The following LARGE1 variants were observed in gnomAD, a reference collection of about 807,000 sequenced individuals.
LARGE1 encodes the protein xylosyl- and glucuronyltransferase LARGE1.
In LARGE1, 43 loss-of-function variants were observed where a neutral mutation model predicts 87.6. The observed-to-expected ratio is 0.49, with a 90% CI of 0.38 to 0.63. The LOEUF is 0.63. Ranked by LOEUF, LARGE1 falls within the 30% of genes least tolerant of loss-of-function variation. The pLI, the probability that LARGE1 is intolerant of heterozygous loss-of-function variation, is 0.00. For synonymous variants in LARGE1, 434 were observed against 394.6 expected (o/e 1.10, Z -1.18); for missense variants, 802 against 1,000.2 (o/e 0.80, Z 2.67).
At chr22:33,315,857 T>C (rs1433381940) in intron 11 of LARGE1, among the ~76,000 whole-genome samples, 5 of 152,160 alleles carry the variant, frequency 3.3e-5, no homozygotes, top group Admixed American at 6.5e-5. Context: ...CTAGAACTCC[T>C]GACCTTGTGA....
At chr22:33,140,477 A>C in the LARGE1 span, among the ~76,000 whole-genome samples, 3 of 152,234 alleles carry the variant, frequency 2.0e-5, no homozygotes, top group Non-Finnish European at 4.4e-5. Flanking sequence ...GGTGTTGCCA[A>C]AGGAGATAAA....
chr22:33,769,880 C>A (rs1042013787), intron 1 of LARGE1, among the ~76,000 whole-genome samples: 2 of 152,238 alleles, frequency 1.3e-5, no homozygotes, highest in Non-Finnish European at 2.9e-5. Flanking sequence ...CCCTGTTCCA[C>A]TGTGGCTCAC....
intron 6 of LARGE1, among the ~76,000 whole-genome samples, chr22:33,485,678 A>T (rs897253715): frequency 6.6e-6 from 1 of 152,078 alleles, no homozygotes; most frequent in Non-Finnish European, 1.5e-5. Context: ...TTTCTACCAA[A>T]TTAGGTTCCA....
intron 5 of LARGE1, among the ~76,000 whole-genome samples, chr22:33,603,783 G>T (rs373547647): frequency 6.6e-6 from 1 of 152,118 alleles, no homozygotes; most frequent in Non-Finnish European, 1.5e-5. Context: ...CTTCTTAATC[G>T]GGCTGTGGGT....
intron 6 of LARGE1, among the ~76,000 whole-genome samples, chr22:33,444,449 T>C (rs906619604): frequency 1.3e-5 from 2 of 152,170 alleles, no homozygotes; most frequent in Non-Finnish European, 2.9e-5. Flanking sequence ...TGGAGTGCAG[T>C]GGCATGATCT....
intron 6 of LARGE1, among the ~76,000 whole-genome samples, chr22:33,548,806 TAA>T (rs1365381949): frequency 6.6e-6 from 1 of 152,218 alleles, no homozygotes; most frequent in East Asian, 1.9e-4. Flanking sequence ...AAATAAAATT[TAA>T]AAAGAGGATT....
At chr22:33,506,772 A>C (rs1197858111) in intron 6 of LARGE1, among the ~76,000 whole-genome samples, 1 of 152,166 alleles carries the variant, frequency 6.6e-6, no homozygotes, top group Non-Finnish European at 1.5e-5. Context: ...GTGGTGGCCC[A>C]TGTCTGTAGT....
At chr22:33,683,812 C>A (rs554601750) in intron 2 of LARGE1, among the ~76,000 whole-genome samples, 1 of 152,276 alleles carries the variant, frequency 6.6e-6, no homozygotes, top group Admixed American at 6.5e-5. Flanking sequence ...GTTGACTATA[C>A]AACACCAAGA....
chr22:33,646,755 T>A (rs1341461203), intron 3 of LARGE1, among the ~76,000 whole-genome samples: 1 of 152,162 alleles, frequency 6.6e-6, no homozygotes, highest in African/African-American at 2.4e-5. Context: ...TGAGACGGAG[T>A]CTCGCTCTAT....
intron 2 of LARGE1, among the ~76,000 whole-genome samples, chr22:33,652,016 C>T (rs111607902): frequency 6.6e-6 from 1 of 151,990 alleles, no homozygotes; most frequent in African/African-American, 2.4e-5. Flanking sequence ...TACTAAAATA[C>T]AAAAAGTTAG....
intron 2 of LARGE1, among the ~76,000 whole-genome samples, chr22:33,715,320 A>G (rs1256251095): frequency 6.6e-6 from 1 of 152,060 alleles, no homozygotes; most frequent in African/African-American, 2.4e-5. Context: ...TCTTTTTCCA[A>G]GCTCACTGAG....
chr22:33,528,958 C>T (rs756621899), intron 6 of LARGE1, among the ~76,000 whole-genome samples: 3 of 152,176 alleles, frequency 2.0e-5, no homozygotes, highest in African/African-American at 7.2e-5. Flanking sequence ...CTTCTTAGAA[C>T]AAGCCTGAAA....
chr22:33,907,082 A>C (rs2146937140), intron 1 of LARGE1, among the ~76,000 whole-genome samples: 1 of 152,270 alleles, frequency 6.6e-6, no homozygotes, highest in South Asian at 2.1e-4. Context: ...CTGGAGAAGC[A>C]GTAGGGCTTC....
At chr22:33,439,208 C>A (rs866227068) in intron 6 of LARGE1, among the ~76,000 whole-genome samples, 5 of 143,068 alleles carry the variant, frequency 3.5e-5, no homozygotes, top group Non-Finnish European at 7.5e-5. Flanking sequence ...AGTGAGACTC[C>A]ATCTCAAAAA....
chr22:33,804,331 G>C (rs1254764616), intron 1 of LARGE1, among the ~76,000 whole-genome samples: 1 of 152,118 alleles, frequency 6.6e-6, no homozygotes, highest in Non-Finnish European at 1.5e-5. Context: ...AAACCTCTTT[G>C]GTTCAAACCA....
At chr22:33,333,142 GACTACAGGCGCCC>G (rs1219255146) in intron 10 of LARGE1, among the ~76,000 whole-genome samples, 8 of 151,884 alleles carry the variant, frequency 5.3e-5, no homozygotes, top group Admixed American at 2.0e-4. Flanking sequence ...GAGTAGCTGG[GACTACAGGCGCCC>G]ACTACAGGCG....
intron 11 of LARGE1, among the ~76,000 whole-genome samples, chr22:33,314,473 AC>A (rs1198123967): frequency 6.6e-6 from 1 of 151,986 alleles, no homozygotes; most frequent in Admixed American, 6.6e-5. Context: ...CTTTATGAAA[AC>A]GTTTTTGCAT....
intron 6 of LARGE1, among the ~76,000 whole-genome samples, chr22:33,459,956 C>A (rs2068306223): frequency 6.6e-6 from 1 of 152,198 alleles, no homozygotes; most frequent in Non-Finnish European, 1.5e-5. Flanking sequence ...AGTGGATGGG[C>A]ACTGATAAGT....
At chr22:33,572,278 C>A in intron 5 of LARGE1, 5 of 1,026,600 alleles carry the variant, frequency 4.9e-6, no homozygotes, top group Non-Finnish European at 6.5e-6. Context: ...GTTGTCTTGG[C>A]AACCAACCTA....
Sources: gnomAD v4.1 joint callset for allele counts (sites outside exome capture counted in the v4.1 genomes callset) on GRCh38, gnomAD v4.1.1 for gene constraint, MANE v1.5 for transcripts, NCBI Gene and HGNC (gene_info 2026-07-23, HGNC 2026-07-21) for gene names.